Variants in HMGB1 observed in about 807,000 individuals in gnomAD.
HMGB1 encodes high mobility group box 1.
For synonymous variants in HMGB1, 81 were observed against 84.0 expected (o/e 0.96, Z 0.19); for missense variants, 79 against 253.5 (o/e 0.31, Z 4.67).
At chr13:30,532,718 A>G (rs1404434450) in intron 1 of HMGB1, among the ~76,000 whole-genome samples, 1 of 152,116 alleles carries the variant, frequency 6.6e-6, no homozygotes, top group Non-Finnish European at 1.5e-5. Context: ...CATGTTAGCT[A>G]GGCTGGTCTC....
At chr13:30,483,386 C>A (rs763079104) in intron 1 of HMGB1, among the ~76,000 whole-genome samples, 1 of 152,072 alleles carries the variant, frequency 6.6e-6, no homozygotes, top group Non-Finnish European at 1.5e-5. Flanking sequence ...AACCAGCAAA[C>A]CCTCCAGTCC....
At chr13:30,513,700 C>T (rs1341514894) in intron 1 of HMGB1, among the ~76,000 whole-genome samples, 1 of 152,152 alleles carries the variant, frequency 6.6e-6, no homozygotes, top group African/African-American at 2.4e-5. Context: ...TTTCTTGACC[C>T]ACTCTCTTGA....
chr13:30,477,808 G>A (rs1434061425), intron 1 of HMGB1, among the ~76,000 whole-genome samples: 1 of 152,146 alleles, frequency 6.6e-6, no homozygotes, highest in East Asian at 1.9e-4. Flanking sequence ...AGCTGGACCG[G>A]TTGGGACAGA....
chr13:30,564,095 CAA>C (rs1181420050), intron 1 of HMGB1, among the ~76,000 whole-genome samples: 1 of 151,798 alleles, frequency 6.6e-6, no homozygotes, highest in African/African-American at 2.4e-5. Flanking sequence ...GATATATTCT[CAA>C]ATGAAAAGTG....
intron 1 of HMGB1, among the ~76,000 whole-genome samples, chr13:30,482,951 C>T (rs1468448001): frequency 1.9e-5 from 2 of 107,090 alleles, no homozygotes; most frequent in Admixed American, 1.0e-4. Flanking sequence ...CCAACACCAG[C>T]TATTTTTTTT....
At chr13:30,610,274 C>T (rs1950501840) in intron 1 of HMGB1, among the ~76,000 whole-genome samples, 1 of 152,162 alleles carries the variant, frequency 6.6e-6, no homozygotes, top group Non-Finnish European at 1.5e-5. Context: ...GTCCCTAACC[C>T]CTGTGTTGCT....
At chr13:30,478,343 C>T (rs578200169) in intron 1 of HMGB1, among the ~76,000 whole-genome samples, 1 of 152,050 alleles carries the variant, frequency 6.6e-6, no homozygotes, top group Non-Finnish European at 1.5e-5. Flanking sequence ...GACCCTGTCT[C>T]TAAAAAGAAT....
chr13:30,462,967 T>C (rs1221302679), intron 3 of HMGB1, among the ~76,000 whole-genome samples: 2 of 152,122 alleles, frequency 1.3e-5, no homozygotes, highest in African/African-American at 2.4e-5. Context: ...TTTCAAGAAA[T>C]AAAAAGATCA....
intron 1 of HMGB1, among the ~76,000 whole-genome samples, chr13:30,598,096 G>A (rs967172363): frequency 2.6e-5 from 4 of 152,066 alleles, no homozygotes; most frequent in Admixed American, 6.5e-5. Context: ...GGCATGCACC[G>A]GCAAATTACT....
intron 1 of HMGB1, among the ~76,000 whole-genome samples, chr13:30,476,489 A>G (rs1422269080): frequency 6.6e-6 from 1 of 152,152 alleles, no homozygotes; most frequent in African/African-American, 2.4e-5. Context: ...CCAAGAGAGG[A>G]TGTCTTATGG....
intron 4 of HMGB1, among the ~76,000 whole-genome samples, chr13:30,461,900 C>G (rs1048176036): frequency 2.6e-5 from 4 of 152,032 alleles, no homozygotes; most frequent in African/African-American, 9.7e-5. Context: ...TTTACACTGT[C>G]AGACCTTAAT....
At chr13:30,462,461 A>C (rs766834979) in intron 4 of HMGB1, 77 bp downstream of exon 4, 1 of 1,185,054 alleles carries the variant, frequency 8.4e-7, no homozygotes, top group Non-Finnish European at 1.3e-6. Context: ...CTAAAAACTT[A>C]TTACACCTCA....
At chr13:30,503,594 C>T (rs1887784724) in intron 1 of HMGB1, among the ~76,000 whole-genome samples, 1 of 149,706 alleles carries the variant, frequency 6.7e-6, no homozygotes, top group South Asian at 2.1e-4. Flanking sequence ...TAGCCATCTT[C>T]ATTTGCGGCT....
At chr13:30,490,720 C>G (rs890375866) in intron 1 of HMGB1, among the ~76,000 whole-genome samples, 3 of 151,802 alleles carry the variant, frequency 2.0e-5, no homozygotes, top group South Asian at 2.1e-4. Flanking sequence ...GAATTTGAGG[C>G]TGCAATGAGC....
chr13:30,470,787 C>G (rs893048917), upstream of HMGB1, among the ~76,000 whole-genome samples: 2 of 151,564 alleles, frequency 1.3e-5, no homozygotes, highest in Non-Finnish European at 2.9e-5. Context: ...TAGCTAGGAT[C>G]ACAGGCGTGT....
chr13:30,538,594 CT>C (rs1270210508), intron 1 of HMGB1, among the ~76,000 whole-genome samples: 5 of 108,658 alleles, frequency 4.6e-5, no homozygotes, highest in African/African-American at 1.4e-4. Flanking sequence ...CTTTTTCTTT[CT>C]TCTTTTTCTT....
intron 1 of HMGB1, among the ~76,000 whole-genome samples, chr13:30,478,460 A>G (rs1887149312): frequency 6.6e-6 from 1 of 152,232 alleles, no homozygotes; most frequent in African/African-American, 2.4e-5. Context: ...TGCCTTTATG[A>G]TGCATTATTA....
chr13:30,583,839 A>AAAG (rs1555242865), intron 1 of HMGB1, among the ~76,000 whole-genome samples: 9 of 137,714 alleles, frequency 6.5e-5, no homozygotes, highest in South Asian at 2.3e-4. Context: ...AAAAAAAAAA[A>AAAG]AAAGAAAGAA....
intron 1 of HMGB1, among the ~76,000 whole-genome samples, chr13:30,611,672 T>C (rs1407510878): frequency 1.3e-5 from 2 of 152,206 alleles, no homozygotes; most frequent in Non-Finnish European, 2.9e-5. Flanking sequence ...ACTATTTGTT[T>C]ACAAACGTTT....
Sources: gnomAD v4.1 joint callset for allele counts (sites outside exome capture counted in the v4.1 genomes callset) on GRCh38, gnomAD v4.1.1 for gene constraint, MANE v1.5 for transcripts, NCBI Gene and HGNC (gene_info 2026-07-23, HGNC 2026-07-21) for gene names.